Variants in MLLT3 observed in about 807,000 individuals in gnomAD.
MLLT3 encodes the protein protein AF-9.
A neutral mutation model predicts 53.2 loss-of-function variants in MLLT3; 4 were observed. The ratio of observed to expected loss-of-function variants is 0.08; its 90% CI spans 0.04 to 0.17. The LOEUF (loss-of-function observed/expected upper bound fraction) is 0.17. Among genes scored for constraint, MLLT3 ranks in the 10% least tolerant of loss-of-function variants. MLLT3 has a pLI of 1.00. For missense variants in MLLT3, 569 were observed against 684.0 expected (o/e 0.83, Z 1.87); for synonymous variants, 283 against 230.6 (o/e 1.23, Z -2.06).
intron 4 of MLLT3, among the ~76,000 whole-genome samples, chr9:20,441,651 A>G (rs1164624832): frequency 6.6e-6 from 1 of 152,178 alleles, no homozygotes; most frequent in Non-Finnish European, 1.5e-5. Flanking sequence ...GTAAAAAAGC[A>G]GCAGCATTCT....
chr9:20,562,471 A>C (rs1263657382), intron 2 of MLLT3, among the ~76,000 whole-genome samples: 3 of 152,186 alleles, frequency 2.0e-5, no homozygotes, highest in Admixed American at 2.0e-4. Context: ...GATTTTAATA[A>C]ACTACTTCAT....
At chr9:20,581,823 G>C (rs557544197) in intron 2 of MLLT3, among the ~76,000 whole-genome samples, 2 of 152,140 alleles carry the variant, frequency 1.3e-5, no homozygotes, top group African/African-American at 4.8e-5. Context: ...ATTTCTCTAA[G>C]TGATCAACAA....
chr9:20,596,948 A>C lies in MLLT3; in HGVS notation c.193+23706T>G, dbSNP rs1183900373. On this transcript the variant is annotated intron_variant, in intron 2 of 10. Coordinates refer to ENST00000380338, the MANE Select transcript of MLLT3 (RefSeq NM_004529.4). ...ATGGAATATTTTTTCATTTATTTAAATAGTCCTCTATTTCTTTCAACAATG... is the reference window on the plus strand; with the variant it reads ...ATGGAATATTTTTTCATTTATTTAACTAGTCCTCTATTTCTTTCAACAATG... Among the ~76,000 whole-genome samples, 4 of 152,288 alleles carry C rather than the reference A, an allele frequency of 2.6e-5. No individual in the cohort carries two copies. In the East Asian group the frequency reaches 5.8e-4, roughly 22 times the overall value.
chr9:20,475,109 A>G (rs937406422), intron 2 of MLLT3, among the ~76,000 whole-genome samples: 1 of 152,090 alleles, frequency 6.6e-6, no homozygotes, highest in Non-Finnish European at 1.5e-5. Context: ...TTGGCTTAAG[A>G]GTTGATTCAT....
intron 6 of MLLT3, among the ~76,000 whole-genome samples, chr9:20,364,506 G>A (rs1297229652): frequency 6.6e-6 from 1 of 152,096 alleles, no homozygotes; most frequent in African/African-American, 2.4e-5. Context: ...TTCGGGATTA[G>A]GCAATTCCTA....
At chr9:20,482,860 GT>G (rs1189674843) in intron 2 of MLLT3, among the ~76,000 whole-genome samples, 1 of 152,134 alleles carries the variant, frequency 6.6e-6, no homozygotes, top group Non-Finnish European at 1.5e-5. Context: ...TATACCTGTT[GT>G]TTCTTACATA....
At chr9:20,607,479 T>A (rs1820599512) in intron 2 of MLLT3, among the ~76,000 whole-genome samples, 2 of 152,062 alleles carry the variant, frequency 1.3e-5, no homozygotes, top group Admixed American at 1.3e-4. Flanking sequence ...TCAGCAGAAC[T>A]AAATTAAGTT....
chr9:20,368,242 G>A (rs1821506574), intron 5 of MLLT3, among the ~76,000 whole-genome samples: 1 of 152,204 alleles, frequency 6.6e-6, no homozygotes, highest in Non-Finnish European at 1.5e-5. Context: ...AACTGAAAGA[G>A]CATTCAGTTG....
At chr9:20,372,483 G>T (rs1224601583) in intron 5 of MLLT3, among the ~76,000 whole-genome samples, 1 of 150,854 alleles carries the variant, frequency 6.6e-6, no homozygotes, top group Non-Finnish European at 1.5e-5. Context: ...CTGCAAGTTC[G>T]TTCACGCCAT....
At chr9:20,472,916 A>G (rs1267651989) in intron 2 of MLLT3, among the ~76,000 whole-genome samples, 2 of 151,934 alleles carry the variant, frequency 1.3e-5, no homozygotes, top group Non-Finnish European at 2.9e-5. Flanking sequence ...AACAAAAAAA[A>G]AAAAGAAAAG....
Position 20,448,056 on chromosome 9 carries a change from G to GT in MLLT3, c.420+66dup. On this transcript the variant is annotated intron_variant, in intron 4 of 10. Transcript: ENST00000380338. This position sits in a 1 kb window ranked among gnomAD's most constrained non-coding sequence, Gnocchi z 4.0. ...TTTTTAACACATGAGGAACTAGTTT[G>GT]TTTGTTTTTTTTTTTGTTGTTGTTG... The GT allele has an allele frequency of 2.0e-6, 3 of 1,501,036 alleles. No individual in the cohort carries two copies. Among genetic ancestry groups the GT allele is most frequent in the South Asian group, 1.2e-5 (1 of 80,386 alleles). 93.0% of individuals were successfully genotyped at this position (1,501,036 alleles called of 1,614,324 possible).
intron 2 of MLLT3, among the ~76,000 whole-genome samples, chr9:20,513,572 T>C (rs1817820433): frequency 6.6e-6 from 1 of 152,152 alleles, no homozygotes; most frequent in African/African-American, 2.4e-5. Flanking sequence ...TTGGTGGGTT[T>C]AGAGCAAGCA....
At chr9:20,607,445 T>G (rs996146012) in intron 2 of MLLT3, among the ~76,000 whole-genome samples, 1 of 152,092 alleles carries the variant, frequency 6.6e-6, no homozygotes, top group African/African-American at 2.4e-5. Flanking sequence ...TCAAAAGGAA[T>G]AGACATAGTT....
At chr9:20,470,002 T>A (rs1824340706) in intron 2 of MLLT3, among the ~76,000 whole-genome samples, 1 of 152,034 alleles carries the variant, frequency 6.6e-6, no homozygotes, top group Admixed American at 6.5e-5. Context: ...TAATTTTGTG[T>A]AGAATTCTAT....
In MLLT3 at chr9:20,448,069, T is replaced by TG. The variant is rs915214825; in HGVS notation, c.420+53_420+54insC. ...AGGAACTAGTTTGTTTGTTTTTTTT[T>TG]TTGTTGTTGTTGTTTTTTAATAGGA... On this transcript the variant is annotated intron_variant, in intron 4 of 10. Coordinates refer to ENST00000380338, the MANE Select transcript of MLLT3 (RefSeq NM_004529.4). This position sits in a 1 kb window ranked among gnomAD's most constrained non-coding sequence, Gnocchi z 4.0. 1.6e-4 allele frequency: 249 copies of TG among 1,556,362 alleles called. 1 individual carries two copies. The highest frequency in any genetic ancestry group is 3.6e-4 in the South Asian group (30 of 82,528).
At position 20,621,675 on chromosome 9, in the gene MLLT3, G is replaced by A; in HGVS notation, c.12+570C>T. On this transcript the variant is annotated intron_variant, in intron 1 of 10. Transcript: ENST00000380338. The surrounding 1 kb of genome is among the most constrained non-coding windows in gnomAD (Gnocchi z 7.0). Reference sequence around the variant, plus strand: ...GGACAGCCGCCGAGCCTCGGCTCGCGCTCAGCACCTCCCGGCGCTGGGGCA... The same window carrying A: ...GGACAGCCGCCGAGCCTCGGCTCGCACTCAGCACCTCCCGGCGCTGGGGCA... 4.0e-6 allele frequency: 5 copies of A among 1,245,022 alleles called. No individual in the cohort carries two copies. Among genetic ancestry groups the A allele is most frequent in the Non-Finnish European group, 5.4e-6 (5 of 927,182 alleles). 77.1% of individuals were successfully genotyped at this position (1,245,022 alleles called of 1,614,324 possible).
At chr9:20,381,931 G>A (rs1821918601) in intron 5 of MLLT3, among the ~76,000 whole-genome samples, 1 of 151,752 alleles carries the variant, frequency 6.6e-6, no homozygotes, top group South Asian at 2.1e-4. Context: ...CAGAAAATAA[G>A]AGAAATTATT....
rs1264747255 is a variant in MLLT3, at chr9:20,621,039, AGGCGCCCCG to A, written c.13-214_13-206del. The A allele has an allele frequency of 9.9e-6, 7 of 706,506 alleles. No homozygotes were observed. The highest frequency in any genetic ancestry group is 3.5e-5 in the African/African-American group (2 of 56,866). The allele number at this position is 706,506 out of a possible 1,614,324, so 43.8% of individuals were successfully genotyped here. On this transcript the variant is annotated intron_variant, in intron 1 of 10. Coordinates refer to ENST00000380338, the MANE Select transcript of MLLT3 (RefSeq NM_004529.4). This position sits in a 1 kb window ranked among gnomAD's most constrained non-coding sequence, Gnocchi z 7.0. ...CGCCCGCCCGGCCCGGCTTGGCCCC[AGGCGCCCCG>A]GGCCCCGCATCTACATCGGACAGGA...
intron 2 of MLLT3, among the ~76,000 whole-genome samples, chr9:20,573,408 A>G (rs1186299825): frequency 6.6e-6 from 1 of 151,928 alleles, no homozygotes; most frequent in Non-Finnish European, 1.5e-5. Context: ...TCGAACTCCT[A>G]AGCTCAAGGA....
Sources: allele counts gnomAD v4.1 joint callset (sites outside exome capture counted in the v4.1 genomes callset), GRCh38; gene constraint gnomAD v4.1.1; non-coding constraint Gnocchi (gnomAD v3.1); transcripts MANE v1.5; gene names NCBI Gene and HGNC (gene_info 2026-07-23, HGNC 2026-07-21).